The following NRG3 variants were observed in gnomAD, a reference collection of about 807,000 sequenced individuals.
The protein encoded by NRG3 is neuregulin 3, also known as pro-neuregulin-3, membrane-bound isoform.
Under a neutral mutation model 66.9 loss-of-function variants are expected in NRG3, and 31 were observed. The ratio of observed to expected loss-of-function variants is 0.46; its 90% CI spans 0.35 to 0.63. NRG3 has a LOEUF of 0.63. NRG3 is among the 20% of genes least tolerant of loss of function. The pLI, the probability that NRG3 is intolerant of heterozygous loss-of-function variation, is 0.00. For synonymous variants in NRG3, 393 were observed against 359.4 expected, an observed-to-expected ratio of 1.09 and a Z score of -1.06; for missense variants, 910 against 878.9, an observed-to-expected ratio of 1.04 and a Z score of -0.45.
chr10:82,132,481 T>TATATATATC (rs1564593369), intron 1 of NRG3, among the ~76,000 whole-genome samples: 150 of 7,300 alleles, frequency 0.021, 11 homozygotes, highest in African/African-American at 0.065. Flanking sequence ...ATATATATGA[T>TATATATATC]ATATATATAT....
At chr10:82,608,859 C>T (rs2048127765) in intron 2 of NRG3, among the ~76,000 whole-genome samples, 1 of 152,118 alleles carries the variant, frequency 6.6e-6, no homozygotes, top group South Asian at 2.1e-4. Context: ...GAAGCACCAA[C>T]ATATTTTTCT....
intron 2 of NRG3, among the ~76,000 whole-genome samples, chr10:82,636,414 A>G (rs1014466424): frequency 6.6e-6 from 1 of 152,208 alleles, no homozygotes; most frequent in Admixed American, 6.5e-5. Context: ...TTGCAAGAAA[A>G]GTACAAGACA....
chr10:82,052,364 T>C (rs1163285147), intron 1 of NRG3, among the ~76,000 whole-genome samples: 1 of 150,514 alleles, frequency 6.6e-6, no homozygotes, highest in Non-Finnish European at 1.5e-5. Context: ...ATCAGACTTG[T>C]AATTCTGCTC....
intron 3 of NRG3, among the ~76,000 whole-genome samples, chr10:82,780,117 A>G (rs1421232450): frequency 6.6e-6 from 1 of 152,158 alleles, no homozygotes; most frequent in Non-Finnish European, 1.5e-5. Flanking sequence ...TATCCAGTCT[A>G]TCATTGATGG....
chr10:81,900,477 C>T (rs544346260), intron 1 of NRG3, among the ~76,000 whole-genome samples: 17 of 152,304 alleles, frequency 1.1e-4, no homozygotes, highest in African/African-American at 4.1e-4. Flanking sequence ...TACAAGTTTG[C>T]AGAACTCCAT....
chr10:82,137,080 A>AT (rs1157103340), intron 1 of NRG3, among the ~76,000 whole-genome samples: 1 of 152,126 alleles, frequency 6.6e-6, no homozygotes, highest in Admixed American at 6.6e-5. Context: ...TAGTTGTTCA[A>AT]TTTGATGTTC....
chr10:82,397,914 C>A (rs2086817339), intron 2 of NRG3, among the ~76,000 whole-genome samples: 1 of 152,166 alleles, frequency 6.6e-6, no homozygotes, highest in African/African-American at 2.4e-5. Context: ...AGGAAGACCT[C>A]CTGCTGCTGG....
chr10:82,111,217 A>C (rs1349968864), intron 1 of NRG3, among the ~76,000 whole-genome samples: 1 of 152,162 alleles, frequency 6.6e-6, no homozygotes, highest in Non-Finnish European at 1.5e-5. Context: ...GAAAGCTTAT[A>C]CTTGAATTAT....
intron 1 of NRG3, among the ~76,000 whole-genome samples, chr10:82,188,057 A>C (rs906856312): frequency 5.3e-5 from 8 of 152,170 alleles, no homozygotes; most frequent in African/African-American, 1.7e-4. Flanking sequence ...CCTGACTTCA[A>C]ATTATACTAC....
chr10:82,398,522 T>TGAGAGA (rs756421839), intron 2 of NRG3, among the ~76,000 whole-genome samples: 1,539 of 141,952 alleles, frequency 0.011, 17 homozygotes, highest in African/African-American at 0.035. Flanking sequence ...TGTGTGTGTG[T>TGAGAGA]GTGTGAGAGA....
At chr10:82,183,294 C>G (rs995607283) in intron 1 of NRG3, among the ~76,000 whole-genome samples, 1 of 151,950 alleles carries the variant, frequency 6.6e-6, no homozygotes, top group African/African-American at 2.4e-5. Flanking sequence ...AGCTTGATAA[C>G]TTTCCATAAG....
intron 3 of NRG3, among the ~76,000 whole-genome samples, chr10:82,793,094 TA>T (rs1323398186): frequency 1.3e-5 from 2 of 152,044 alleles, no homozygotes; most frequent in South Asian, 4.1e-4. Flanking sequence ...AATGAAGATT[TA>T]AAAAAAATTT....
chr10:82,171,241 C>G (rs1359553925), intron 1 of NRG3, among the ~76,000 whole-genome samples: 1 of 151,960 alleles, frequency 6.6e-6, no homozygotes, highest in African/African-American at 2.4e-5. Context: ...TTCTTTCTCC[C>G]CTAGTTGCCT....
intron 1 of NRG3, among the ~76,000 whole-genome samples, chr10:81,986,038 ACTT>A (rs1051008127): frequency 6.6e-6 from 1 of 152,182 alleles, no homozygotes; most frequent in Non-Finnish European, 1.5e-5. Context: ...TTTAAAATTA[ACTT>A]CTTATTTGAT....
At chr10:82,282,200 G>A (rs550281740) in intron 1 of NRG3, among the ~76,000 whole-genome samples, 1 of 152,094 alleles carries the variant, frequency 6.6e-6, no homozygotes, top group South Asian at 2.1e-4. Flanking sequence ...CACATACGAG[G>A]CAGATAACTA....
At chr10:82,636,896 A>C (rs1232740867) in intron 2 of NRG3, among the ~76,000 whole-genome samples, 2 of 151,892 alleles carry the variant, frequency 1.3e-5, no homozygotes, top group Non-Finnish European at 2.9e-5. Flanking sequence ...AATAGTGGCT[A>C]CCAGAGGCAG....
intron 7 of NRG3, among the ~76,000 whole-genome samples, chr10:82,975,336 T>C (rs1327521674): frequency 6.6e-6 from 1 of 152,214 alleles, no homozygotes. Flanking sequence ...ATATGAACTG[T>C]ATTCTGTCAT....
At chr10:82,673,259 A>C (rs936932066) in intron 2 of NRG3, among the ~76,000 whole-genome samples, 1 of 152,242 alleles carries the variant, frequency 6.6e-6, no homozygotes, top group Non-Finnish European at 1.5e-5. Context: ...GAGCTTGAAT[A>C]ATTGGGTAAA....
chr10:82,659,819 T>G (rs965805742), intron 2 of NRG3, among the ~76,000 whole-genome samples: 1 of 152,122 alleles, frequency 6.6e-6, no homozygotes, highest in Non-Finnish European at 1.5e-5. Flanking sequence ...TGGTTGCCTT[T>G]TCTTCTGTTA....
Sources: allele counts gnomAD v4.1 joint callset (sites outside exome capture counted in the v4.1 genomes callset), GRCh38; gene constraint gnomAD v4.1.1; transcripts MANE v1.5; gene names NCBI Gene and HGNC (gene_info 2026-07-23, HGNC 2026-07-21).